Variants in NOL4 observed in about 807,000 individuals in gnomAD.
The protein encoded by NOL4 is nucleolar protein 4, also known as cancer/testis antigen 125.
Under a neutral mutation model 75.9 loss-of-function variants are expected in NOL4, and 17 were observed. That is an observed-to-expected ratio of 0.22 (90% CI 0.15 to 0.34). NOL4 has a LOEUF of 0.34. Among genes scored for constraint, NOL4 ranks in the 10% least tolerant of loss-of-function variants. The pLI, the probability that NOL4 is intolerant of heterozygous loss-of-function variation, is 1.00. For missense variants in NOL4, 614 were observed against 793.5 expected (o/e 0.77, Z 2.72); for synonymous variants, 292 against 289.9 (o/e 1.01, Z -0.07).
At chr18:34,010,257 A>G (rs2074294424) in intron 6 of NOL4, among the ~76,000 whole-genome samples, 1 of 151,750 alleles carries the variant, frequency 6.6e-6, no homozygotes, top group Admixed American at 6.6e-5. Flanking sequence ...CACAGGCAAA[A>G]TTTGTCTTTA....
intron 6 of NOL4, among the ~76,000 whole-genome samples, chr18:33,966,068 T>C (rs2070557844): frequency 6.6e-6 from 1 of 152,174 alleles, no homozygotes; most frequent in African/African-American, 2.4e-5. Context: ...TTTGACTATT[T>C]CTATATTAAC....
chr18:34,009,083 T>C (rs2074225075), intron 6 of NOL4, among the ~76,000 whole-genome samples: 1 of 151,706 alleles, frequency 6.6e-6, no homozygotes, highest in Non-Finnish European at 1.5e-5. Flanking sequence ...TTTTTCTAGC[T>C]GAGGTAGTGA....
At chr18:34,168,431 AAT>A (rs1427598128) in intron 1 of NOL4, among the ~76,000 whole-genome samples, 4 of 151,710 alleles carry the variant, frequency 2.6e-5, no homozygotes, top group Non-Finnish European at 5.9e-5. Flanking sequence ...CTTCTAAAGC[AAT>A]AGTTTCAGGG....
At chr18:34,175,069 T>C (rs1184835154) in intron 1 of NOL4, among the ~76,000 whole-genome samples, 1 of 152,206 alleles carries the variant, frequency 6.6e-6, no homozygotes, top group Non-Finnish European at 1.5e-5. Flanking sequence ...ATCATTCTAC[T>C]GTAAAGAACA....
intron 2 of NOL4, among the ~76,000 whole-genome samples, chr18:34,109,282 G>A (rs2079469401): frequency 1.3e-5 from 2 of 152,064 alleles, no homozygotes; most frequent in South Asian, 4.1e-4. Context: ...TAGCTGAAAA[G>A]GAAGGATCAT....
In NOL4 at chr18:34,088,274, T is replaced by A. The variant is rs1448005602; in HGVS notation, c.772+5191A>T. On this transcript the variant is annotated intron_variant, in intron 5 of 10. Coordinates refer to ENST00000261592, the MANE Select transcript of NOL4 (RefSeq NM_003787.5). The stretch of plus-strand genomic sequence containing the variant: ...CACTTTTCTTTTGCCAGATATTTTT[T>A]AAAAATAACCCCAGACAAGGAATGA... Among the ~76,000 whole-genome samples, 6 of 152,194 alleles carry A rather than the reference T, an allele frequency of 3.9e-5. No individual in the cohort carries two copies. The East Asian group carries it at 7.7e-4, about 20-fold the overall frequency.
At chr18:34,165,834 T>G (rs1341211616) in intron 1 of NOL4, among the ~76,000 whole-genome samples, 1 of 151,954 alleles carries the variant, frequency 6.6e-6, no homozygotes, top group African/African-American at 2.4e-5. Context: ...CAGATATAAT[T>G]GAATAATAAC....
chr18:34,084,456 G>C (rs1250206063), intron 5 of NOL4, among the ~76,000 whole-genome samples: 1 of 152,048 alleles, frequency 6.6e-6, no homozygotes, highest in Non-Finnish European at 1.5e-5. Context: ...TGAGTCTAAG[G>C]GTTGAGTGCA....
rs569620493 is a variant in NOL4 at position 33,860,076 on chromosome 18, G to A, written c.1724-7041C>T. On this transcript the variant is annotated intron_variant, in intron 10 of 10. Transcript: ENST00000261592. ...AGGCATATCTTACAAGGTGGCAGGC[G>A]AGAGAGCACATGTGAAGGTGGAACT... 7.2e-5 allele frequency among the ~76,000 whole-genome samples: 11 copies of A among 152,140 alleles called. No individual in the cohort carries two copies. The East Asian group carries it at 1.9e-3, about 27-fold the overall frequency.
At chr18:34,161,725 G>C (rs1323924778) in intron 1 of NOL4, among the ~76,000 whole-genome samples, 4 of 151,878 alleles carry the variant, frequency 2.6e-5, no homozygotes, top group Non-Finnish European at 4.4e-5. Flanking sequence ...TGAGTTCCTT[G>C]TATATTTGGA....
intron 4 of NOL4, among the ~76,000 whole-genome samples, chr18:34,096,487 A>G (rs2078785355): frequency 6.6e-6 from 1 of 152,146 alleles, no homozygotes. Flanking sequence ...CAACATAGAT[A>G]AAATACTAAT....
intron 8 of NOL4, among the ~76,000 whole-genome samples, chr18:33,944,844 A>T (rs2068730450): frequency 6.6e-6 from 1 of 151,886 alleles, no homozygotes; most frequent in Non-Finnish European, 1.5e-5. Flanking sequence ...CTACTTCACT[A>T]AGTATAAAGA....
chr18:34,125,493 T>C (rs889624040), intron 2 of NOL4, among the ~76,000 whole-genome samples: 7 of 152,248 alleles, frequency 4.6e-5, no homozygotes, highest in African/African-American at 1.7e-4. Flanking sequence ...AATTTTTACA[T>C]GACAAACTAG....
At chr18:34,036,973 A>G (rs1234871699) in intron 5 of NOL4, among the ~76,000 whole-genome samples, 1 of 152,208 alleles carries the variant, frequency 6.6e-6, no homozygotes, top group African/African-American at 2.4e-5. Context: ...TGCAAAAACA[A>G]AGAAGGTAAA....
intron 10 of NOL4, among the ~76,000 whole-genome samples, chr18:33,877,250 T>C (rs1049634043): frequency 6.6e-6 from 1 of 151,878 alleles, no homozygotes; most frequent in Non-Finnish European, 1.5e-5. Context: ...GAAGACTGCA[T>C]GAGCCCAGGA....
At chr18:33,930,047 T>C (rs932679268) in intron 9 of NOL4, among the ~76,000 whole-genome samples, 3 of 152,132 alleles carry the variant, frequency 2.0e-5, no homozygotes. Context: ...TATTCTTTCA[T>C]GTACAGCAAG....
chr18:34,186,715 C>A (rs1408196983), intron 1 of NOL4, among the ~76,000 whole-genome samples: 5 of 152,154 alleles, frequency 3.3e-5, no homozygotes, highest in Non-Finnish European at 7.4e-5. Flanking sequence ...ATGGTTACAT[C>A]TTTCATAAAA....
Position 34,223,276 on chromosome 18 carries a change from C to A in NOL4, c.-23G>T. On this transcript the variant is annotated 5_prime_UTR_variant, in exon 1 of 11. Transcript: ENST00000261592. ...CATGTTCCCCGCGCTCGGCCGCTGGCCGGATGCTCCCAGCGCACTTCGCAC... is the reference window on the plus strand; with the variant it reads ...CATGTTCCCCGCGCTCGGCCGCTGGACGGATGCTCCCAGCGCACTTCGCAC... The A allele has an allele frequency of 2.5e-6, 4 of 1,609,706 alleles. No individual in the cohort carries two copies. In the South Asian group the frequency reaches 4.4e-5, roughly 18 times the overall value.
At chr18:34,172,507 T>A (rs530028493) in intron 1 of NOL4, among the ~76,000 whole-genome samples, 2 of 152,232 alleles carry the variant, frequency 1.3e-5, no homozygotes, top group South Asian at 4.1e-4. Flanking sequence ...AGATATCTCT[T>A]CAAGATACTG....
Sources: gnomAD v4.1 joint callset for allele counts (sites outside exome capture counted in the v4.1 genomes callset) on GRCh38, gnomAD v4.1.1 for gene constraint, MANE v1.5 for transcripts, NCBI Gene and HGNC (gene_info 2026-07-23, HGNC 2026-07-21) for gene names.